The following GSTCD variants were observed in gnomAD, a reference collection of about 807,000 sequenced individuals.
The protein encoded by GSTCD is glutathione S-transferase C-terminal domain containing.
Under a neutral mutation model 68.3 loss-of-function variants are expected in GSTCD, and 44 were observed. The ratio of observed to expected loss-of-function variants is 0.64; its 90% CI spans 0.51 to 0.83. GSTCD has a LOEUF of 0.83. Among genes scored for constraint, GSTCD ranks in the 40% least tolerant of loss-of-function variants. The pLI is 0.00. For missense variants in GSTCD, 739 were observed against 735.9 expected (o/e 1.00, Z -0.05); for synonymous variants, 273 against 255.2 (o/e 1.07, Z -0.67).
At position 105,750,229 on chromosome 4, in the gene GSTCD, C is replaced by T. The variant is rs144678269; in HGVS notation, c.1240+20730C>T. 2.6e-3 allele frequency among the ~76,000 whole-genome samples: 389 copies of T among 152,018 alleles called. 2 individuals carry two copies. Among genetic ancestry groups the T allele is most frequent in the African/African-American group, 8.7e-3 (362 of 41,486 alleles). ...CTGTAATCCCAGCACTTTGAGAGGC[C>T]GAGGCGGGCGGATGACCTGAGGTCA... is the stretch of plus-strand genomic sequence containing the variant. On this transcript the variant is annotated intron_variant, in intron 5 of 11. Coordinates refer to ENST00000515279, the MANE Select transcript of GSTCD (RefSeq NM_001370181.1).
chr4:105,768,226 T>TTCACCATG (rs1057445921), intron 5 of GSTCD, among the ~76,000 whole-genome samples: 83 of 152,030 alleles, frequency 5.5e-4, no homozygotes, highest in African/African-American at 1.9e-3. Flanking sequence ...GAGACGGGGT[T>TTCACCATG]TCACCATGTT....
At chr4:105,778,684 CATTTT>C (rs1235322995) in intron 5 of GSTCD, among the ~76,000 whole-genome samples, 2 of 152,002 alleles carry the variant, frequency 1.3e-5, no homozygotes, top group East Asian at 3.9e-4. Flanking sequence ...AGTTCAAGGT[CATTTT>C]ATTTTAATTA....
chr4:105,750,455 C>T (rs528807074), intron 5 of GSTCD, among the ~76,000 whole-genome samples: 7 of 138,404 alleles, frequency 5.1e-5, no homozygotes, highest in East Asian at 2.0e-4. Flanking sequence ...AGCGAAACTC[C>T]GTCTCAAAAA....
chr4:105,732,163 G>C (rs1022848719), intron 5 of GSTCD, among the ~76,000 whole-genome samples: 1 of 152,078 alleles, frequency 6.6e-6, no homozygotes, highest in Non-Finnish European at 1.5e-5. Flanking sequence ...TTTTTTTGTT[G>C]TGTTTCTGCC....
intron 5 of GSTCD, among the ~76,000 whole-genome samples, chr4:105,783,134 A>G (rs760780804): frequency 1.1e-4 from 17 of 152,112 alleles, no homozygotes; most frequent in Admixed American, 7.2e-4. Context: ...ATTTATTTGG[A>G]TAAGATTGGA....
intron 1 of GSTCD, among the ~76,000 whole-genome samples, chr4:105,710,557 T>G (rs1436195862): frequency 6.6e-6 from 1 of 152,116 alleles, no homozygotes; most frequent in Non-Finnish European, 1.5e-5. Flanking sequence ...CTTGTTTTAC[T>G]TGTAGCTTTT....
chr4:105,716,151 T>C (rs577873223), intron 1 of GSTCD, among the ~76,000 whole-genome samples: 22 of 152,144 alleles, frequency 1.4e-4, no homozygotes, highest in Non-Finnish European at 3.1e-4. Context: ...TCATGGAACA[T>C]TCTAGTTAGA....
Position 105,823,281 on chromosome 4 carries a change from G to T in GSTCD, c.1401+6G>T. On this transcript the variant is annotated splice_donor_region_variant and intron_variant, in intron 7 of 11. Coordinates refer to ENST00000515279, the MANE Select transcript of GSTCD (RefSeq NM_001370181.1). ...ACATGCTGCCATCATGTCAGGTAAA[G>T]CCAGAATAAGAGATAAAAGGAAATA... is the stretch of plus-strand genomic sequence containing the variant. 1.9e-6 allele frequency: 3 copies of T among 1,613,318 alleles called. No individual in the cohort carries two copies. The highest frequency in any genetic ancestry group is 1.7e-6 in the Non-Finnish European group (2 of 1,179,374).
At chr4:105,769,019 A>G (rs1288562025) in intron 5 of GSTCD, among the ~76,000 whole-genome samples, 2 of 152,052 alleles carry the variant, frequency 1.3e-5, no homozygotes, top group Non-Finnish European at 2.9e-5. Context: ...TAAAACAAGT[A>G]TAGAACAAAG....
intron 5 of GSTCD, chr4:105,753,183 A>G (rs1202136405): frequency 6.6e-6 from 1 of 152,094 alleles, no homozygotes; most frequent in Non-Finnish European, 1.5e-5. Context: ...AAATTTGTAA[A>G]TATTTGACAT....
At chr4:105,762,625 G>A (rs1405188023) in intron 5 of GSTCD, among the ~76,000 whole-genome samples, 1 of 152,094 alleles carries the variant, frequency 6.6e-6, no homozygotes. Context: ...CAGAGCTCCA[G>A]GTTGCTATTT....
chr4:105,799,961 G>A (rs1028215983), intron 5 of GSTCD, among the ~76,000 whole-genome samples: 3 of 152,152 alleles, frequency 2.0e-5, no homozygotes, highest in Admixed American at 6.5e-5. Context: ...GTAGACACCA[G>A]GGCCTACTTA....
At position 105,823,216 on chromosome 4, in the gene GSTCD, TACTG is replaced by T. The variant is rs765089835; in HGVS notation, c.1357-11_1357-8del. ...GGGACCAAAGCTAACTTGTTTGTCTTACTGACTTTTTCAGGGCCATGTTGGAATT... is the reference window on the plus strand; with the variant it reads ...GGGACCAAAGCTAACTTGTTTGTCTTACTTTTTCAGGGCCATGTTGGAATT... On this transcript the variant is annotated splice_polypyrimidine_tract_variant and intron_variant, in intron 6 of 11. Coordinates refer to ENST00000515279, the MANE Select transcript of GSTCD (RefSeq NM_001370181.1). 1.4e-4 allele frequency: 226 copies of T among 1,613,646 alleles called. No individual in the cohort carries two copies. The highest frequency in any genetic ancestry group is 1.8e-4 in the Non-Finnish European group (214 of 1,179,676).
intron 3 of GSTCD, among the ~76,000 whole-genome samples, chr4:105,722,736 C>CT (rs1333096203): frequency 2.7e-5 from 4 of 149,366 alleles, no homozygotes; most frequent in Non-Finnish European, 4.5e-5. Context: ...GATAGCTATG[C>CT]TTTTTTTTTA....
At chr4:105,797,078 G>GTGTA (rs1553963659) in intron 5 of GSTCD, among the ~76,000 whole-genome samples, 1 of 150,870 alleles carries the variant, frequency 6.6e-6, no homozygotes, top group Non-Finnish European at 1.5e-5. Flanking sequence ...GTGTGTGTGT[G>GTGTA]TATGTGTGTG....
At chr4:105,746,307 CTCATCATCT>C (rs1321408537) in intron 5 of GSTCD, 92 of 152,110 alleles carry the variant, frequency 6.0e-4, no homozygotes, top group African/African-American at 2.2e-3. Context: ...GGTGTACATT[CTCATCATCT>C]TCATTTTAGG....
intron 5 of GSTCD, among the ~76,000 whole-genome samples, chr4:105,762,438 T>A (rs1230269531): frequency 6.6e-6 from 1 of 152,208 alleles, no homozygotes; most frequent in Non-Finnish European, 1.5e-5. Context: ...TTAAAATAAA[T>A]GGAAAATGAT....
intron 2 of GSTCD, 109 bp downstream of exon 2, chr4:105,718,148 A>G: frequency 2.3e-6 from 2 of 855,718 alleles, no homozygotes; most frequent in Non-Finnish European, 3.5e-6. Flanking sequence ...TATTTATTTT[A>G]AAAAACCCCA....
At chr4:105,773,942 A>G (rs1734953709) in intron 5 of GSTCD, among the ~76,000 whole-genome samples, 1 of 152,078 alleles carries the variant, frequency 6.6e-6, no homozygotes, top group African/African-American at 2.4e-5. Context: ...TCTGGCTAAT[A>G]TTGACAGTGG....
Sources: allele counts gnomAD v4.1 joint callset (sites outside exome capture counted in the v4.1 genomes callset), GRCh38; gene constraint gnomAD v4.1.1; transcripts MANE v1.5; gene names NCBI Gene and HGNC (gene_info 2026-07-23, HGNC 2026-07-21).